ARID2: variants seen among roughly 807,000 people sequenced by gnomAD.
ARID2 encodes AT-rich interactive domain-containing protein 2.
In ARID2, 32 loss-of-function variants were observed where a neutral mutation model predicts 184.6. The ratio of observed to expected loss-of-function variants is 0.17; its 90% CI spans 0.13 to 0.23. ARID2 has a LOEUF of 0.23. Ranked by LOEUF, ARID2 falls within the 10% of genes least tolerant of loss-of-function variation. ARID2 has a pLI of 1.00. For synonymous variants in ARID2, 836 were observed against 772.6 expected (o/e 1.08, Z -1.36); for missense variants, 1,696 against 2,197.6 (o/e 0.77, Z 4.56).
At chr12:45,839,038 G>C (rs1327297966) in intron 10 of ARID2, among the ~76,000 whole-genome samples, 1 of 143,828 alleles carries the variant, frequency 7.0e-6, no homozygotes, top group South Asian at 2.2e-4. Flanking sequence ...TTTTTTTTTT[G>C]TATTTTTAGT....
At chr12:45,885,445 A>G (rs748152709) in intron 16 of ARID2, among the ~76,000 whole-genome samples, 1 of 152,180 alleles carries the variant, frequency 6.6e-6, no homozygotes, top group Non-Finnish European at 1.5e-5. Flanking sequence ...TTGCATTTTA[A>G]GTCAGGTGAG....
intron 3 of ARID2, among the ~76,000 whole-genome samples, chr12:45,784,726 T>C (rs1365750208): frequency 1.3e-5 from 2 of 152,182 alleles, no homozygotes. Flanking sequence ...TGAGTATCTT[T>C]TGTATATATG....
chr12:45,843,464 C>G (rs1943388998), intron 11 of ARID2, among the ~76,000 whole-genome samples: 1 of 151,458 alleles, frequency 6.6e-6, no homozygotes, highest in Non-Finnish European at 1.5e-5. Context: ...CACCTGGGCT[C>G]AAGACTATCC....
Position 45,821,464 on chromosome 12 carries a change from A to G in ARID2, c.682A>G (p.Lys228Glu). Residue 228 changes from lysine to glutamate, a missense_variant, in exon 6 of 21, where the codon AAG becomes GAG. Coordinates refer to ENST00000334344, the MANE Select transcript of ARID2 (RefSeq NM_152641.4). ...TGTATTTGGAGAAGAATGGAAAGAGAAGACTGATAGAGACTTCGTTAAGGT... is the reference window on the plus strand; with the variant it reads ...TGTATTTGGAGAAGAATGGAAAGAGGAGACTGATAGAGACTTCGTTAAGGT... The part of the protein sequence containing the change: ...STVFGEEWKE[K>E]TDRDFVKFWK... The G allele has an allele frequency of 6.6e-7, 1 of 1,520,096 alleles. No individual in the cohort carries two copies. Among genetic ancestry groups the G allele is most frequent in the South Asian group, 1.4e-5 (1 of 72,304 alleles). The allele number at this position is 1,520,096 out of a possible 1,614,324, so 94.2% of individuals were successfully genotyped here.
intron 3 of ARID2, among the ~76,000 whole-genome samples, chr12:45,736,396 A>G (rs1176242018): frequency 1.3e-5 from 2 of 152,146 alleles, no homozygotes; most frequent in African/African-American, 2.4e-5. Context: ...GATATTTTAT[A>G]TTCTCAAACT....
chr12:45,798,490 G>T (rs1391670380), intron 3 of ARID2, among the ~76,000 whole-genome samples: 1 of 152,204 alleles, frequency 6.6e-6, no homozygotes, highest in Non-Finnish European at 1.5e-5. Flanking sequence ...TCAGGCAGGA[G>T]AATCCATCTG....
chr12:45,834,741 A>T (rs1318870942), intron 6 of ARID2, among the ~76,000 whole-genome samples: 3 of 152,220 alleles, frequency 2.0e-5, no homozygotes, highest in African/African-American at 7.2e-5. Flanking sequence ...TTCCGTCTCA[A>T]TGAAAAGAAA....
intron 20 of ARID2, among the ~76,000 whole-genome samples, chr12:45,902,295 A>T (rs17096308): frequency 6.6e-6 from 1 of 152,150 alleles, no homozygotes; most frequent in Admixed American, 6.5e-5. Flanking sequence ...TTAAACATTT[A>T]TATCAAAAAG....
chr12:45,788,362 C>T (rs1490225630), intron 3 of ARID2, among the ~76,000 whole-genome samples: 5 of 152,058 alleles, frequency 3.3e-5, no homozygotes, highest in Non-Finnish European at 5.9e-5. Context: ...ATTATCAAAC[C>T]TCAAGATCAT....
chr12:45,744,560 A>G (rs1172348865), intron 3 of ARID2, among the ~76,000 whole-genome samples: 2 of 152,168 alleles, frequency 1.3e-5, no homozygotes, highest in Non-Finnish European at 2.9e-5. Flanking sequence ...GAGGAAAATT[A>G]TCTTTCTTTT....
chr12:45,844,218 C>T (rs577841080), intron 11 of ARID2, among the ~76,000 whole-genome samples: 12 of 152,190 alleles, frequency 7.9e-5, no homozygotes, highest in Non-Finnish European at 1.6e-4. Flanking sequence ...CGGGGTTTCA[C>T]TATGTTGCCC....
At chr12:45,889,175 C>G (rs1030860419) in intron 16 of ARID2, among the ~76,000 whole-genome samples, 1 of 152,128 alleles carries the variant, frequency 6.6e-6, no homozygotes, top group Admixed American at 6.5e-5. Context: ...GAGTGAGACT[C>G]TGTCTCAAAT....
chr12:45,801,274 T>C (rs1362922877), intron 3 of ARID2, among the ~76,000 whole-genome samples: 1 of 149,434 alleles, frequency 6.7e-6, no homozygotes. Flanking sequence ...ATAGCGCCAC[T>C]GCAGTCCGGC....
At chr12:45,804,258 A>G (rs1410449950) in intron 3 of ARID2, among the ~76,000 whole-genome samples, 1 of 152,174 alleles carries the variant, frequency 6.6e-6, no homozygotes, top group Non-Finnish European at 1.5e-5. Context: ...GAGATTCTTC[A>G]TTAATTAAAT....
intron 6 of ARID2, among the ~76,000 whole-genome samples, chr12:45,828,191 A>T (rs1943039245): frequency 6.6e-6 from 1 of 151,896 alleles, no homozygotes; most frequent in African/African-American, 2.4e-5. Flanking sequence ...TCACTTCTTC[A>T]TTCACTCCCT....
At chr12:45,860,575 ATG>A (rs1326058414) in intron 15 of ARID2, among the ~76,000 whole-genome samples, 3 of 151,864 alleles carry the variant, frequency 2.0e-5, no homozygotes, top group Admixed American at 6.6e-5. Flanking sequence ...GGTAATAACA[ATG>A]TGGTATTACC....
chr12:45,764,210 C>T (rs371261993), intron 3 of ARID2, among the ~76,000 whole-genome samples: 1 of 151,778 alleles, frequency 6.6e-6, no homozygotes, highest in Non-Finnish European at 1.5e-5. Flanking sequence ...AATTTTCTAC[C>T]CTTATCTTTT....
At chr12:45,892,935 A>T (rs1944321051) in intron 18 of ARID2, among the ~76,000 whole-genome samples, 1 of 152,218 alleles carries the variant, frequency 6.6e-6, no homozygotes, top group Admixed American at 6.5e-5. Context: ...GGTATTTAGC[A>T]TAATTCCATG....
At chr12:45,731,359 TA>T (rs948559499) in intron 3 of ARID2, 45 bp downstream of exon 3, 80 of 1,395,716 alleles carry the variant, frequency 5.7e-5, no homozygotes, top group Non-Finnish European at 7.9e-5. Flanking sequence ...ATAAGGGACT[TA>T]TGGAGAGATT....
Sources: allele counts gnomAD v4.1 joint callset (sites outside exome capture counted in the v4.1 genomes callset), GRCh38; gene constraint gnomAD v4.1.1; transcripts MANE v1.5; gene names NCBI Gene and HGNC (gene_info 2026-07-23, HGNC 2026-07-21).